The following WAC variants were observed in gnomAD, a reference collection of about 807,000 sequenced individuals.
WAC encodes the protein WW domain-containing adapter protein with coiled-coil.
A neutral mutation model predicts 79.6 loss-of-function variants in WAC; 11 were observed. The observed-to-expected ratio is 0.14, with a 90% CI of 0.09 to 0.23. The LOEUF (loss-of-function observed/expected upper bound fraction) is 0.23. WAC is among the 10% of genes least tolerant of loss of function. The pLI, the probability that WAC is intolerant of heterozygous loss-of-function variation, is 1.00. For synonymous variants in WAC, 304 were observed against 276.9 expected, an observed-to-expected ratio of 1.10 and a Z score of -0.97; for missense variants, 728 against 773.5, an observed-to-expected ratio of 0.94 and a Z score of 0.70.
In WAC at chr10:28,533,527, C is replaced by G; in HGVS notation, c.-53C>G. ...CGCCGCCGCCTGCGCGCCCGCCCGC[C>G]TTTCGCGGCCGCTCTCCCCCCTCCC... is the stretch of plus-strand genomic sequence containing the variant. On this transcript the variant is annotated 5_prime_UTR_variant, in exon 1 of 14. Transcript: ENST00000354911. The G allele has an allele frequency of 9.8e-6, 12 of 1,224,218 alleles. No individual in the cohort carries two copies. Among genetic ancestry groups the G allele is most frequent in the East Asian group, 4.8e-5 (1 of 20,700 alleles). 75.8% of individuals were successfully genotyped at this position (1,224,218 alleles called of 1,614,324 possible). A position where few individuals can be genotyped will look rare whatever the true frequency, so the allele number is the denominator to read the frequency against.
At chr10:28,584,951 CCAG>C (rs1386728940) in intron 4 of WAC, among the ~76,000 whole-genome samples, 7 of 152,000 alleles carry the variant, frequency 4.6e-5, no homozygotes, top group Non-Finnish European at 8.8e-5. Flanking sequence ...ACCTGTAATC[CCAG>C]CTACTTGGGA....
Position 28,583,436 on chromosome 10 carries a change from C to A in WAC, c.312C>A (p.His104Gln). 6.3e-7 allele frequency: 1 copy of A among 1,594,006 alleles called. No homozygotes were observed. Among genetic ancestry groups the A allele is most frequent in the Non-Finnish European group, 8.5e-7 (1 of 1,172,850 alleles). The stretch of plus-strand genomic sequence containing the variant: ...CTCCACAAGAAAATTCACACAACCA[C>A]AGTGCTCTTCATAGTTCAAATTCAC... Reference protein sequence around the residue: ...SYSPQENSHNHSALHSSNSHS... With the variant: ...SYSPQENSHNQSALHSSNSHS... Residue 104 changes from histidine (H) to glutamine (Q), a missense_variant, in exon 4 of 14, where the codon CAC becomes CAA. Physicochemically the swap from His to Gln is conservative, Grantham distance 24. Around this residue, in one of 3 missense-constraint regions of WAC, gnomAD observed 648 missense variants for 661.5 expected, o/e 0.98. Transcript: ENST00000354911.
chr10:28,547,364 G>C (rs187841381), intron 3 of WAC, among the ~76,000 whole-genome samples: 2 of 151,960 alleles, frequency 1.3e-5, no homozygotes, highest in Non-Finnish European at 2.9e-5. Flanking sequence ...GTGAAACCCC[G>C]TCTCTACTAA....
chr10:28,608,475 CAA>C (rs765566664), intron 8 of WAC, 44 bp downstream of exon 8: 66 of 1,516,852 alleles, frequency 4.4e-5, no homozygotes, highest in Non-Finnish European at 5.3e-5. Context: ...TTGCATTGTG[CAA>C]AGTTATGTAA....
intron 3 of WAC, chr10:28,537,675 G>T (rs1836755309): frequency 2.0e-5 from 3 of 152,190 alleles, no homozygotes; most frequent in Admixed American, 1.3e-4. Flanking sequence ...ACTCCTGGGA[G>T]TCAAGATGTG....
rs150633374 is a variant in WAC at position 28,556,564 on chromosome 10, A to T, written c.274+20807A>T. ...TTCGTGCAAGAAGCTTTTTAGTGTG[A>T]TATAGTCACACGTATTTTTGCTTTT... On this transcript the variant is annotated intron_variant, in intron 3 of 13. Coordinates refer to ENST00000354911, the MANE Select transcript of WAC (RefSeq NM_016628.5). Among the ~76,000 whole-genome samples, 73 of 151,072 alleles carry T rather than the reference A, an allele frequency of 4.8e-4. 1 individual carries two copies. The East Asian group carries it at 0.014, about 29-fold the overall frequency.
chr10:28,566,013 C>T (rs1838582042), intron 3 of WAC, among the ~76,000 whole-genome samples: 1 of 151,904 alleles, frequency 6.6e-6, no homozygotes, highest in South Asian at 2.1e-4. Flanking sequence ...ATAGTACTGC[C>T]ATTGTGTTAA....
chr10:28,583,521 A>C lies in WAC; in HGVS notation c.381+16A>C, dbSNP rs181071601. On this transcript the variant is annotated intron_variant, in intron 4 of 13. Transcript: ENST00000354911. The stretch of plus-strand genomic sequence containing the variant: ...TTCAGATGCAGTAAGTATTATAAAC[A>C]TGTCCAATATGGTTTCTTTGGAATT... The C allele has an allele frequency of 3.1e-5, 45 of 1,432,650 alleles. No homozygotes were observed. The African/African-American group carries it at 6.3e-4, about 20-fold the overall frequency. The allele number at this position is 1,432,650 out of a possible 1,614,324, so 88.7% of individuals were successfully genotyped here.
intron 3 of WAC, among the ~76,000 whole-genome samples, chr10:28,571,600 CT>C (rs899383558): frequency 1.3e-5 from 2 of 152,204 alleles, no homozygotes; most frequent in African/African-American, 2.4e-5. Flanking sequence ...GCTTGCCTTA[CT>C]TTACTATCTT....
intron 3 of WAC, among the ~76,000 whole-genome samples, chr10:28,563,094 A>G (rs1838387062): frequency 6.6e-6 from 1 of 152,128 alleles, no homozygotes; most frequent in African/African-American, 2.4e-5. Context: ...TTGTAGAGAT[A>G]GGGTTTCACC....
chr10:28,595,234 C>T (rs1467181910), intron 6 of WAC, among the ~76,000 whole-genome samples: 1 of 152,130 alleles, frequency 6.6e-6, no homozygotes, highest in Non-Finnish European at 1.5e-5. Flanking sequence ...TTAGAGGCAA[C>T]TAATTGTAGC....
At chr10:28,610,368 A>C (rs531077233) in intron 8 of WAC, among the ~76,000 whole-genome samples, 1 of 152,300 alleles carries the variant, frequency 6.6e-6, no homozygotes, top group Non-Finnish European at 1.5e-5. Context: ...CTGAACACTC[A>C]CATATGAATA....
At chr10:28,540,993 T>C (rs922835601) in intron 3 of WAC, among the ~76,000 whole-genome samples, 1 of 152,210 alleles carries the variant, frequency 6.6e-6, no homozygotes, top group Admixed American at 6.5e-5. Flanking sequence ...AATCACATTT[T>C]AACTTTTTAT....
At chr10:28,583,750 C>A (rs1185322058) in intron 4 of WAC, among the ~76,000 whole-genome samples, 3 of 152,020 alleles carry the variant, frequency 2.0e-5, no homozygotes, top group Admixed American at 2.0e-4. Context: ...ATTAGGATTC[C>A]TGTACAAAGC....
intron 13 of WAC, chr10:28,618,030 A>G: frequency 3.7e-6 from 1 of 269,336 alleles, no homozygotes; most frequent in Middle Eastern, 1.2e-3. Context: ...GCAATAATAT[A>G]TTACTGAAAA....
chr10:28,578,878 A>C (rs1839385801), intron 3 of WAC, among the ~76,000 whole-genome samples: 1 of 152,070 alleles, frequency 6.6e-6, no homozygotes, highest in Non-Finnish European at 1.5e-5. Context: ...TGAAACTAGC[A>C]TCCAGTCATG....
At chr10:28,555,597 A>C (rs1418666997) in intron 3 of WAC, among the ~76,000 whole-genome samples, 1 of 152,174 alleles carries the variant, frequency 6.6e-6, no homozygotes, top group Non-Finnish European at 1.5e-5. Flanking sequence ...TTACTAAGGA[A>C]ACATACAGTG....
rs1481358173 is a variant in WAC at position 28,622,315 on chromosome 10, A to G, written c.*2709A>G. 2.0e-5 allele frequency: 3 copies of G among 147,672 alleles called. No individual in the cohort carries two copies. Among genetic ancestry groups the G allele is most frequent in the African/African-American group, 7.5e-5 (3 of 40,250 alleles). 9.1% of individuals were successfully genotyped at this position (147,672 alleles called of 1,614,324 possible). ...TAAGCATAATGTTCTGGACTAGAGT[A>G]TTCCTTATCTAGTTGGTTATGGATT... On this transcript the variant is annotated 3_prime_UTR_variant, in exon 14 of 14. Transcript: ENST00000354911.
At chr10:28,540,228 G>GT (rs1476880747) in intron 3 of WAC, among the ~76,000 whole-genome samples, 1 of 152,166 alleles carries the variant, frequency 6.6e-6, no homozygotes, top group African/African-American at 2.4e-5. Flanking sequence ...CTTATTTCCA[G>GT]TTTTACAAAT....
Sources: allele counts gnomAD v4.1 joint callset (sites outside exome capture counted in the v4.1 genomes callset), GRCh38; gene constraint gnomAD v4.1.1; regional missense constraint gnomAD v4.1.1; transcripts MANE v1.5; gene names NCBI Gene and HGNC (gene_info 2026-07-23, HGNC 2026-07-21).